Variants in HYDIN observed in about 807,000 individuals in gnomAD.
HYDIN encodes axonemal central pair apparatus protein HYDIN.
HYDIN carries 132 observed loss-of-function variants against 403.9 expected under a neutral mutation model. The observed-to-expected ratio is 0.33, with a 90% CI of 0.28 to 0.38. The LOEUF is 0.38. Among genes scored for constraint, HYDIN ranks in the 10% least tolerant of loss-of-function variants. HYDIN has a pLI of 1.00. For synonymous variants in HYDIN, 1,202 were observed against 1,891.7 expected (o/e 0.64, Z 9.46); for missense variants, 2,827 against 5,009.5 (o/e 0.56, Z 13.15).
At chr16:70,885,624 T>C (rs905463022) in intron 58 of HYDIN, among the ~76,000 whole-genome samples, 37 of 151,638 alleles carry the variant, frequency 2.4e-4, no homozygotes, top group Non-Finnish European at 4.3e-4. Context: ...ATCCAGGCTC[T>C]GACCATTAAA....
In HYDIN at chr16:70,879,634, G is replaced by C; in HGVS notation, c.10338C>G (p.Ile3446Met). 1.2e-6 allele frequency: 2 copies of C among 1,612,496 alleles called. No homozygotes were observed. The highest frequency in any genetic ancestry group is 1.7e-6 in the Non-Finnish European group (2 of 1,179,782). Residue 3446 changes from isoleucine (I) to methionine (M), a missense_variant, in exon 61 of 86, where the codon ATC becomes ATG. By Grantham distance (10) the Ile-to-Met change is conservative. Coordinates refer to ENST00000393567, the MANE Select transcript of HYDIN (RefSeq NM_001270974.2). ...GCAAGCCATCCAAGGTAGCCTCAAA[G>C]ATGCACTGGTAGTTCTGCATGATCT... Reference protein sequence around the residue: ...TPQIMQNYQCIFEATLDGLPS... With the variant: ...TPQIMQNYQCMFEATLDGLPS...
intron 5 of HYDIN, among the ~76,000 whole-genome samples, chr16:71,165,086 C>T (rs1003332045): frequency 6.6e-6 from 1 of 151,668 alleles, no homozygotes; most frequent in Non-Finnish European, 1.5e-5. Flanking sequence ...CGTTGCTCTC[C>T]TAAAGTCTAT....
rs760091986 is a variant in HYDIN at position 70,974,525 on chromosome 16, C to G, written c.4909+9G>C. 4.4e-6 allele frequency: 7 copies of G among 1,607,466 alleles called. No individual in the cohort carries two copies. In the African/African-American group the frequency reaches 8.1e-5, roughly 19 times the overall value. ...GTGCAATAGGAAAGGGTCTCCCCAG[C>G]CTGGGTACCTGTCTCATGAAGGACA... On this transcript the variant is annotated intron_variant, in intron 32 of 85. Transcript: ENST00000393567.
chr16:70,857,927 A>G (rs2039131806), intron 71 of HYDIN, 57 bp from the exon 72 acceptor site: 4 of 1,495,476 alleles, frequency 2.7e-6, no homozygotes, highest in Admixed American at 4.7e-5. Context: ...CTTACTCCAC[A>G]TGTCCCTGGA....
intron 2 of HYDIN, among the ~76,000 whole-genome samples, chr16:71,185,303 C>T (rs1295294350): frequency 6.6e-6 from 1 of 152,126 alleles, no homozygotes; most frequent in Non-Finnish European, 1.5e-5. Context: ...AAGAGCTTAA[C>T]ATTTATGCTC....
chr16:70,895,949 C>A, intron 54 of HYDIN, 32 bp downstream of exon 54: 1 of 1,566,252 alleles, frequency 6.4e-7, no homozygotes, highest in Non-Finnish European at 8.6e-7. Context: ...ACCCAACTTC[C>A]AAACATCCTG....
intron 18 of HYDIN, among the ~76,000 whole-genome samples, chr16:71,035,636 A>G (rs1289540102): frequency 2.7e-5 from 4 of 150,382 alleles, no homozygotes; most frequent in Non-Finnish European, 4.4e-5. Context: ...CTAGGCTATT[A>G]TTTTAGATAA....
intron 53 of HYDIN, among the ~76,000 whole-genome samples, chr16:70,900,721 A>ATTTG (rs2076346404): frequency 7.1e-6 from 1 of 141,604 alleles, no homozygotes; most frequent in African/African-American, 2.8e-5. Context: ...TCATTTGTTC[A>ATTTG]TTCATTCATT....
intron 1 of HYDIN, among the ~76,000 whole-genome samples, chr16:71,202,357 A>C (rs1427594699): frequency 6.6e-6 from 1 of 152,224 alleles, no homozygotes; most frequent in African/African-American, 2.4e-5. Flanking sequence ...TGCTACAATG[A>C]AGAACAGGTA....
intron 41 of HYDIN, among the ~76,000 whole-genome samples, chr16:70,945,502 A>C (rs2077826420): frequency 6.6e-6 from 1 of 152,262 alleles, no homozygotes; most frequent in Admixed American, 6.5e-5. Flanking sequence ...GAGAGTCATA[A>C]GCATGTTAAA....
chr16:70,862,568 T>C (rs997157673), intron 68 of HYDIN, among the ~76,000 whole-genome samples: 1 of 81,910 alleles, frequency 1.2e-5, no homozygotes, highest in Non-Finnish European at 2.4e-5. Flanking sequence ...TGAGAATCAT[T>C]GTTCTAAAGT....
At chr16:70,882,603 C>A (rs1375110105) in intron 60 of HYDIN, 57 bp downstream of exon 60, 60 of 1,162,392 alleles carry the variant, frequency 5.2e-5, no homozygotes, top group Admixed American at 2.1e-4. Context: ...TGCTGAGAGC[C>A]CTTTTTCCAG....
intron 18 of HYDIN, among the ~76,000 whole-genome samples, chr16:71,037,999 T>TA (rs1253242237): frequency 6.6e-6 from 1 of 152,202 alleles, no homozygotes; most frequent in Non-Finnish European, 1.5e-5. Context: ...CCAAAGATGA[T>TA]AAAAAATGAG....
At chr16:70,984,448 C>A (rs1480315330) in intron 28 of HYDIN, among the ~76,000 whole-genome samples, 3 of 125,670 alleles carry the variant, frequency 2.4e-5, no homozygotes, top group African/African-American at 9.1e-5. Context: ...GAAAAAAAAC[C>A]AAAAGGGGAG....
Position 71,210,993 on chromosome 16 carries a change from C to T in HYDIN, c.-24+19569G>A, listed in dbSNP as rs112000980. ...TAAAATAAAACAATTTAATAAAAAT[C>T]ATATAACATGACATAAGAAATATTA... is the stretch of plus-strand genomic sequence containing the variant. On this transcript the variant is annotated intron_variant, in intron 1 of 85. Transcript: ENST00000393567. Among the ~76,000 whole-genome samples, 10 of 151,876 alleles carry T rather than the reference C, an allele frequency of 6.6e-5. 1 individual carries two copies. The highest frequency in any genetic ancestry group is 2.4e-4 in the African/African-American group (10 of 41,448).
intron 1 of HYDIN, among the ~76,000 whole-genome samples, chr16:71,223,580 A>G (rs1401243478): frequency 6.6e-6 from 1 of 152,186 alleles, no homozygotes; most frequent in South Asian, 2.1e-4. Context: ...TATGCATCCA[A>G]CAAAGGACTA....
chr16:71,029,242 TAAGA>T (rs2080821514), intron 19 of HYDIN, among the ~76,000 whole-genome samples: 1 of 145,276 alleles, frequency 6.9e-6, no homozygotes, highest in Non-Finnish European at 1.5e-5. Context: ...GACAATATGT[TAAGA>T]AATGGGCATG....
intron 10 of HYDIN, among the ~76,000 whole-genome samples, chr16:71,100,922 A>G (rs2144407527): frequency 1.1e-5 from 1 of 91,546 alleles, no homozygotes; most frequent in African/African-American, 4.3e-5. Flanking sequence ...GAAGATGAAA[A>G]GACAATGCAA....
At chr16:71,111,693 C>T (rs947542921) in intron 10 of HYDIN, among the ~76,000 whole-genome samples, 4 of 152,124 alleles carry the variant, frequency 2.6e-5, no homozygotes, top group African/African-American at 9.7e-5. Context: ...ACACTCCTGC[C>T]GTCTTTCCTG....
Sources: gnomAD v4.1 joint callset for allele counts (sites outside exome capture counted in the v4.1 genomes callset) on GRCh38, gnomAD v4.1.1 for gene constraint, MANE v1.5 for transcripts, NCBI Gene and HGNC (gene_info 2026-07-23, HGNC 2026-07-21) for gene names.